Variants in RARS2 observed in about 807,000 individuals in gnomAD.
RARS2 encodes arginyl-tRNA synthetase 2, mitochondrial, also known as probable arginine--tRNA ligase, mitochondrial.
RARS2 carries 67 observed loss-of-function variants against 88.5 expected under a neutral mutation model. That is an observed-to-expected ratio of 0.76 (90% CI 0.62 to 0.93). RARS2 has a LOEUF of 0.93. Among genes scored for constraint, RARS2 ranks in the 40% least tolerant of loss-of-function variants. RARS2 has a pLI of 0.00. For missense variants in RARS2, 664 were observed against 684.2 expected (o/e 0.97, Z 0.33); for synonymous variants, 239 against 230.3 (o/e 1.04, Z -0.34).
intron 8 of RARS2, 143 bp from the exon 9 acceptor site, chr6:87,531,085 T>C: frequency 7.6e-7 from 1 of 1,312,858 alleles, no homozygotes; most frequent in East Asian, 2.5e-5. Context: ...TAACTTTTTC[T>C]TTTTTGCCAT....
At chr6:87,569,884 T>C (rs1300509406) in intron 1 of RARS2, among the ~76,000 whole-genome samples, 1 of 150,556 alleles carries the variant, frequency 6.6e-6, no homozygotes, top group Non-Finnish European at 1.5e-5. Flanking sequence ...GAACTTTACC[T>C]TCGTAAATTA....
chr6:87,567,962 G>A (rs988353507), intron 2 of RARS2, among the ~76,000 whole-genome samples: 2 of 152,072 alleles, frequency 1.3e-5, no homozygotes, highest in African/African-American at 2.4e-5. Context: ...TAGTAGAGAC[G>A]GGGTTTCACC....
intron 1 of RARS2, among the ~76,000 whole-genome samples, chr6:87,575,229 A>G (rs1302467409): frequency 1.8e-4 from 12 of 65,262 alleles, no homozygotes; most frequent in Admixed American, 1.1e-3. Context: ...TAGAAAGCAC[A>G]CACACACACA....
intron 5 of RARS2, among the ~76,000 whole-genome samples, chr6:87,549,456 T>C (rs558579656): frequency 2.8e-4 from 43 of 151,786 alleles, no homozygotes; most frequent in Admixed American, 2.3e-3. Context: ...AAGGCTAAAG[T>C]AGAACGGTAG....
At chr6:87,542,793 A>G (rs1781409102) in intron 7 of RARS2, among the ~76,000 whole-genome samples, 1 of 142,486 alleles carries the variant, frequency 7.0e-6, no homozygotes, top group Non-Finnish European at 1.5e-5. Flanking sequence ...GAAAGGATAT[A>G]TGCAGCCTGG....
chr6:87,564,726 T>C (rs1767347729), intron 2 of RARS2: 1 of 236,976 alleles, frequency 4.2e-6, no homozygotes, highest in African/African-American at 2.4e-5. Flanking sequence ...AGCAAGAAAA[T>C]GAGAAATAAC....
rs189061011 is a variant in RARS2, at chr6:87,540,265, T to C, written c.612+1653A>G. Among the ~76,000 whole-genome samples the C allele has an allele frequency of 2.8e-3, 425 of 151,392 alleles. 1 individual carries two copies. Among genetic ancestry groups the C allele is most frequent in the African/African-American group, 9.4e-3 (388 of 41,236 alleles). The stretch of plus-strand genomic sequence containing the variant: ...GAGTTCAAGACCAGCCTGGACAACA[T>C]AGTGAAACCCTGTCTCTACTAAAAA... On this transcript the variant is annotated intron_variant, in intron 8 of 19. Transcript: ENST00000369536.
chr6:87,559,463 CAAAAAAA>C (rs753856335), intron 4 of RARS2, among the ~76,000 whole-genome samples: 10 of 93,298 alleles, frequency 1.1e-4, no homozygotes, highest in Non-Finnish European at 2.1e-4. Context: ...AACTCTGTCT[CAAAAAAA>C]AAAAAAAAAA....
chr6:87,522,889 C>T (rs554631014), intron 11 of RARS2, among the ~76,000 whole-genome samples: 2 of 152,214 alleles, frequency 1.3e-5, no homozygotes, highest in South Asian at 2.1e-4. Flanking sequence ...AGATTACAGG[C>T]GTGAGCCACT....
chr6:87,589,826 C>T, intron 1 of RARS2, 96 bp downstream of exon 1: 2 of 1,613,342 alleles, frequency 1.2e-6, no homozygotes, highest in South Asian at 2.2e-5. Context: ...CCGTGGGACC[C>T]ACCCTCCAGC....
intron 1 of RARS2, among the ~76,000 whole-genome samples, chr6:87,574,444 G>C (rs1298126381): frequency 6.6e-6 from 1 of 152,190 alleles, no homozygotes; most frequent in East Asian, 1.9e-4. Context: ...AACGTGACAT[G>C]AGGAGTGAAG....
At chr6:87,553,175 T>C (rs1441424893) in intron 5 of RARS2, among the ~76,000 whole-genome samples, 1 of 152,174 alleles carries the variant, frequency 6.6e-6, no homozygotes, top group Non-Finnish European at 1.5e-5. Flanking sequence ...AGTACCTTTG[T>C]AAAGAGGTCT....
intron 14 of RARS2, chr6:87,519,204 G>GTATATATATA (rs1490296169): frequency 3.7e-6 from 1 of 271,986 alleles, no homozygotes; most frequent in African/African-American, 2.5e-5. Context: ...GTGTGTGTGT[G>GTATATATATA]TGTGTATATA....
At chr6:87,575,572 A>C (rs1248799575) in intron 1 of RARS2, among the ~76,000 whole-genome samples, 2 of 152,144 alleles carry the variant, frequency 1.3e-5, no homozygotes, top group African/African-American at 2.4e-5. Context: ...TATTAGCAAT[A>C]AGTGAATGGA....
At chr6:87,535,440 T>A (rs1251650908) in intron 8 of RARS2, among the ~76,000 whole-genome samples, 2 of 152,220 alleles carry the variant, frequency 1.3e-5, no homozygotes, top group South Asian at 2.1e-4. Context: ...TTGTCCTATT[T>A]AAAAAAATTT....
chr6:87,516,278 C>T (rs1185351549), intron 18 of RARS2, among the ~76,000 whole-genome samples: 1 of 152,104 alleles, frequency 6.6e-6, no homozygotes, highest in African/African-American at 2.4e-5. Context: ...TTTTTCTGTG[C>T]CTCTGCTTAA....
At chr6:87,542,414 G>GT (rs1029433125) in intron 7 of RARS2, among the ~76,000 whole-genome samples, 2 of 152,272 alleles carry the variant, frequency 1.3e-5, no homozygotes, top group South Asian at 2.1e-4. Flanking sequence ...GATGGAAACT[G>GT]TTTTCAAACT....
intron 4 of RARS2, among the ~76,000 whole-genome samples, chr6:87,558,613 C>G (rs1027022558): frequency 6.6e-6 from 1 of 152,182 alleles, no homozygotes; most frequent in African/African-American, 2.4e-5. Context: ...CTGAAAAATT[C>G]TTATCACTCA....
intron 1 of RARS2, among the ~76,000 whole-genome samples, chr6:87,582,547 G>T (rs1395599588): frequency 6.6e-6 from 1 of 152,288 alleles, no homozygotes; most frequent in East Asian, 1.9e-4. Context: ...TTGCTCTGAT[G>T]ATAGTTTTTT....
Sources: allele counts gnomAD v4.1 joint callset (sites outside exome capture counted in the v4.1 genomes callset), GRCh38; gene constraint gnomAD v4.1.1; transcripts MANE v1.5; gene names NCBI Gene and HGNC (gene_info 2026-07-23, HGNC 2026-07-21).